SYT13: variants seen among roughly 807,000 people sequenced by gnomAD.
SYT13 encodes the protein synaptotagmin 13, also known as synaptotagmin-13.
A neutral mutation model predicts 38.6 loss-of-function variants in SYT13; 21 were observed. The observed-to-expected ratio is 0.54, with a 90% CI of 0.39 to 0.78. SYT13 has a LOEUF of 0.78. Ranked by LOEUF, SYT13 falls within the 30% of genes least tolerant of loss-of-function variation. The pLI, the probability that SYT13 is intolerant of heterozygous loss-of-function variation, is 0.00. For synonymous variants in SYT13, 241 were observed against 237.6 expected, an observed-to-expected ratio of 1.01 and a Z score of -0.13; for missense variants, 495 against 548.7, an observed-to-expected ratio of 0.90 and a Z score of 0.98.
intron 1 of SYT13, among the ~76,000 whole-genome samples, chr11:45,276,547 G>A (rs1027779347): frequency 2.6e-5 from 4 of 151,914 alleles, no homozygotes; most frequent in Admixed American, 6.6e-5. Context: ...AAACCTGCAC[G>A]TTCTGCACAT....
intron 4 of SYT13, among the ~76,000 whole-genome samples, chr11:45,249,863 G>A (rs867021274): frequency 2.6e-4 from 39 of 152,244 alleles, no homozygotes; most frequent in African/African-American, 8.9e-4. Flanking sequence ...AAACCTACAC[G>A]TTCTGCACAT....
chr11:45,277,221 T>C (rs1182106965), intron 1 of SYT13, among the ~76,000 whole-genome samples: 1 of 149,962 alleles, frequency 6.7e-6, no homozygotes, highest in Non-Finnish European at 1.5e-5. Context: ...AAAAAACAGA[T>C]TGGAGGAGGG....
rs1033014321 is a variant in SYT13, at chr11:45,241,036, G to A, written c.*3016C>T. On this transcript the variant is annotated 3_prime_UTR_variant, in exon 6 of 6. Transcript: ENST00000020926. Reference sequence around the variant, plus strand: ...GGATAATTTAAAATTCACTAAGATGGAGTTTTAGTGGAAAAGCAGAGCAAT... The same window carrying A: ...GGATAATTTAAAATTCACTAAGATGAAGTTTTAGTGGAAAAGCAGAGCAAT... 1 of 152,200 alleles carries A rather than the reference G, an allele frequency of 6.6e-6. No individual in the cohort carries two copies. Among genetic ancestry groups the A allele is most frequent in the Non-Finnish European group, 1.5e-5 (1 of 68,040 alleles). The allele number at this position is 152,200 out of a possible 1,614,324, so 9.4% of individuals were successfully genotyped here. A position where few individuals can be genotyped will look rare whatever the true frequency, so the allele number is the denominator to read the frequency against.
rs111607972 is a variant in SYT13, at chr11:45,263,123, C to T, written c.184-7232G>A. Among the ~76,000 whole-genome samples, 38 of 152,276 alleles carry T rather than the reference C, an allele frequency of 2.5e-4. 1 individual carries two copies. Among genetic ancestry groups the T allele is most frequent in the Admixed American group, 7.8e-4 (12 of 15,290 alleles). ...GCACAGACGCCTCCGGCTCTGCCTC[C>T]AGTAATAATCCAGGCAGAGACAGAT... On this transcript the variant is annotated intron_variant, in intron 1 of 5. Coordinates refer to ENST00000020926, the MANE Select transcript of SYT13 (RefSeq NM_020826.3).
intron 4 of SYT13, among the ~76,000 whole-genome samples, chr11:45,248,926 CCTTT>C: frequency 6.6e-6 from 1 of 152,232 alleles, no homozygotes. Context: ...CTAAAGTAAT[CCTTT>C]CTTTCTTCTT....
chr11:45,269,678 G>A (rs1197721651), intron 1 of SYT13, among the ~76,000 whole-genome samples: 2 of 152,120 alleles, frequency 1.3e-5, no homozygotes, highest in Non-Finnish European at 2.9e-5. Flanking sequence ...ACATATCCAA[G>A]CTCACATAGC....
intron 1 of SYT13, among the ~76,000 whole-genome samples, chr11:45,279,342 G>A (rs1405947125): frequency 6.6e-6 from 1 of 152,228 alleles, no homozygotes; most frequent in Non-Finnish European, 1.5e-5. Context: ...AGCACTTTAG[G>A]AGGACAAGTC....
intron 1 of SYT13, among the ~76,000 whole-genome samples, chr11:45,260,548 T>G (rs555377103): frequency 2.6e-5 from 4 of 152,054 alleles, no homozygotes; most frequent in Non-Finnish European, 5.9e-5. Flanking sequence ...CCTTCCACCA[T>G]GGGTGCAGGA....
intron 1 of SYT13, among the ~76,000 whole-genome samples, chr11:45,282,445 A>AG (rs1225580598): frequency 5.3e-5 from 8 of 152,232 alleles, no homozygotes; most frequent in Non-Finnish European, 8.8e-5. Flanking sequence ...CTTCCTCTGA[A>AG]TTGTTGGAAA....
chr11:45,248,690 C>T (rs1159451488), intron 4 of SYT13, among the ~76,000 whole-genome samples: 3 of 152,230 alleles, frequency 2.0e-5, no homozygotes, highest in Non-Finnish European at 4.4e-5. Flanking sequence ...CCTGGCTCAT[C>T]ACTGATTATT....
chr11:45,244,256 C>G lies in SYT13; in HGVS notation c.1077G>C (p.Met359Ile). ...GGTCGTCAGGCAGCTCAAACATGAT[C>G]ATCTCGTTCCACACGGGGTTGATCT... ...KHKINPVWNE[M>I]IMFELPDDLL... The change falls in exon 6 of 6, where the codon ATG becomes ATC. Residue 359 changes from methionine (M) to isoleucine (I), a missense_variant. By Grantham distance (10) the Met-to-Ile change is conservative. Transcript: ENST00000020926. The G allele has an allele frequency of 6.2e-7, 1 of 1,614,062 alleles. No individual in the cohort carries two copies. The highest frequency in any genetic ancestry group is 8.5e-7 in the Non-Finnish European group (1 of 1,180,046).
Position 45,252,788 on chromosome 11 carries a change from G to C in SYT13, c.545-66C>G. 6.7e-7 allele frequency: 1 copy of C among 1,496,556 alleles called. No homozygotes were observed. Among genetic ancestry groups the C allele is most frequent in the Non-Finnish European group, 9.0e-7 (1 of 1,114,670 alleles). The allele number at this position is 1,496,556 out of a possible 1,614,324, so 92.7% of individuals were successfully genotyped here. ...GGACAAGTGGAGGGGGCAGAAGCAC[G>C]CCTTGCTTAGGGCTGTGGAATCCAG... On this transcript the variant is annotated intron_variant, in intron 3 of 5. Coordinates refer to ENST00000020926, the MANE Select transcript of SYT13 (RefSeq NM_020826.3). The surrounding 1 kb of genome is among the most constrained non-coding windows in gnomAD (Gnocchi z 4.3).
At chr11:45,247,182 T>C (rs1854624012) in intron 4 of SYT13, among the ~76,000 whole-genome samples, 1 of 152,116 alleles carries the variant, frequency 6.6e-6, no homozygotes, top group South Asian at 2.1e-4. Context: ...TCTCCTGAAA[T>C]TCGTACAGGA....
At chr11:45,254,226 A>G (rs752323101) in intron 3 of SYT13, 44 bp downstream of exon 3, 1 of 1,572,430 alleles carries the variant, frequency 6.4e-7, no homozygotes, top group Admixed American at 1.8e-5. Context: ...TCTCCAGGGG[A>G]GATAGACACA....
chr11:45,254,686 T>C (rs2135892028), intron 2 of SYT13: 1 of 323,500 alleles, frequency 3.1e-6, no homozygotes, highest in East Asian at 5.7e-5. Context: ...CTAAAACGCC[T>C]ACATATTCTT....
At chr11:45,278,967 C>A (rs116983349) in intron 1 of SYT13, among the ~76,000 whole-genome samples, 1 of 152,202 alleles carries the variant, frequency 6.6e-6, no homozygotes, top group South Asian at 2.1e-4. Flanking sequence ...GCACCCAATG[C>A]CTGAAGTGTG....
At chr11:45,261,109 T>C (rs1385076471) in intron 1 of SYT13, among the ~76,000 whole-genome samples, 1 of 152,174 alleles carries the variant, frequency 6.6e-6, no homozygotes, top group Non-Finnish European at 1.5e-5. Context: ...AATAAGCACA[T>C]GAAAAGATGC....
rs1434756514 is a variant in SYT13, at chr11:45,242,172, A to T, written c.*1880T>A. 1.3e-5 allele frequency: 2 copies of T among 152,226 alleles called. No individual in the cohort carries two copies. Among genetic ancestry groups the T allele is most frequent in the Non-Finnish European group, 2.9e-5 (2 of 68,042 alleles). The allele number at this position is 152,226 out of a possible 1,614,324, so 9.4% of individuals were successfully genotyped here. On this transcript the variant is annotated 3_prime_UTR_variant, in exon 6 of 6. Transcript: ENST00000020926. The stretch of plus-strand genomic sequence containing the variant: ...GGATTAGGGTGACATCTGAAGGCCC[A>T]GAGTTTTAATATTAATAGAGAGGGG...
At chr11:45,279,219 T>C (rs1380133383) in intron 1 of SYT13, among the ~76,000 whole-genome samples, 1 of 152,260 alleles carries the variant, frequency 6.6e-6, no homozygotes, top group Non-Finnish European at 1.5e-5. Context: ...TTCTGTGTTT[T>C]ACTTTTCTTC....
Sources: allele counts gnomAD v4.1 joint callset (sites outside exome capture counted in the v4.1 genomes callset), GRCh38; gene constraint gnomAD v4.1.1; non-coding constraint Gnocchi (gnomAD v3.1); transcripts MANE v1.5; gene names NCBI Gene and HGNC (gene_info 2026-07-23, HGNC 2026-07-21).